The following GLI2 variants were observed in gnomAD, a reference collection of about 807,000 sequenced individuals.
GLI2 encodes the protein transcription activator GLI2.
A neutral mutation model predicts 78.9 loss-of-function variants in GLI2; 22 were observed. That is an observed-to-expected ratio of 0.28 (90% CI 0.20 to 0.40). The LOEUF is 0.40. GLI2 is among the 10% of genes least tolerant of loss of function. GLI2 has a pLI of 1.00. For synonymous variants in GLI2, 974 were observed against 963.7 expected (o/e 1.01, Z -0.20); for missense variants, 2,097 against 2,213.2 (o/e 0.95, Z 1.05).
At chr2:120,851,987 C>T (rs930751427) in intron 2 of GLI2, among the ~76,000 whole-genome samples, 15 of 152,152 alleles carry the variant, frequency 9.9e-5, no homozygotes, top group African/African-American at 3.6e-4. Flanking sequence ...GTAGGAGGGG[C>T]AGCATTGCCA....
chr2:120,738,873 CG>C (rs1682444584), intron 1 of GLI2, among the ~76,000 whole-genome samples: 1 of 152,190 alleles, frequency 6.6e-6, no homozygotes, highest in African/African-American at 2.4e-5. Flanking sequence ...ACTCTTGACT[CG>C]TGGCTTCCTT....
intron 1 of GLI2, among the ~76,000 whole-genome samples, chr2:120,756,095 A>G (rs1683026822): frequency 6.6e-6 from 1 of 152,088 alleles, no homozygotes; most frequent in South Asian, 2.1e-4. Context: ...CATCTTGGCA[A>G]TCTCTCCAAA....
At chr2:120,847,568 A>G (rs879264716) in intron 2 of GLI2, among the ~76,000 whole-genome samples, 9 of 149,048 alleles carry the variant, frequency 6.0e-5, no homozygotes, top group Non-Finnish European at 1.2e-4. Flanking sequence ...AAGCGGAGCA[A>G]TGGCTGTTTC....
In GLI2 at chr2:120,927,495, TG is replaced by T. The variant is rs1271308346; in HGVS notation, c.254+31del. On this transcript the variant is annotated intron_variant, in intron 3 of 13. Coordinates refer to ENST00000361492, the MANE Select transcript of GLI2 (RefSeq NM_001374353.1). ...AGTCCTGCCCTCTGCCTGCTGCTCC[TG>T]GCGTGCAGTCACCTGCCATGGGGAG... The T allele has an allele frequency of 3.4e-6, 5 of 1,455,562 alleles. No homozygotes were observed. The East Asian group carries it at 1.1e-4, about 33-fold the overall frequency. The allele number at this position is 1,455,562 out of a possible 1,614,324, so 90.2% of individuals were successfully genotyped here. A position where few individuals can be genotyped will look rare whatever the true frequency, so the allele number is the denominator to read the frequency against.
chr2:120,743,343 A>T (rs1327467168), intron 1 of GLI2, among the ~76,000 whole-genome samples: 3 of 152,134 alleles, frequency 2.0e-5, no homozygotes, highest in Non-Finnish European at 4.4e-5. Flanking sequence ...CCATCTTAAC[A>T]CTGTAATTCC....
At chr2:120,831,948 G>A (rs970743326) in intron 2 of GLI2, among the ~76,000 whole-genome samples, 4 of 152,320 alleles carry the variant, frequency 2.6e-5, no homozygotes, top group South Asian at 2.1e-4. Flanking sequence ...GATTACCTAC[G>A]CTGGACTGCG....
At chr2:120,766,905 G>GTC (rs1341866712) in intron 1 of GLI2, among the ~76,000 whole-genome samples, 1 of 152,174 alleles carries the variant, frequency 6.6e-6, no homozygotes, top group African/African-American at 2.4e-5. Context: ...CTGTTCCCAG[G>GTC]TCTGCAGTGT....
intron 1 of GLI2, among the ~76,000 whole-genome samples, chr2:120,773,937 C>T (rs1479212215): frequency 1.5e-5 from 2 of 131,726 alleles, no homozygotes; most frequent in Non-Finnish European, 3.3e-5. Flanking sequence ...TTCCTTCCCT[C>T]CCTCCCTCCC....
intron 2 of GLI2, among the ~76,000 whole-genome samples, chr2:120,870,354 T>G (rs910164394): frequency 3.5e-4 from 53 of 152,296 alleles, no homozygotes; most frequent in African/African-American, 1.1e-3. Flanking sequence ...GTAGATTACT[T>G]GCATCATCAG....
intron 1 of GLI2, among the ~76,000 whole-genome samples, chr2:120,746,401 C>T (rs896425351): frequency 6.6e-6 from 1 of 152,146 alleles, no homozygotes; most frequent in Non-Finnish European, 1.5e-5. Context: ...CAGAAGCTGC[C>T]CAGCCACCTG....
rs567289975 is a variant in GLI2 at position 120,934,257 on chromosome 2, A to C, written c.254+6791A>C. ...ATCCCCTGGTTCCTCGTGATAACCC[A>C]TTCACAGACAAGTCCCTCCTAAACC... On this transcript the variant is annotated intron_variant, in intron 3 of 13. Coordinates refer to ENST00000361492, the MANE Select transcript of GLI2 (RefSeq NM_001374353.1). Among the ~76,000 whole-genome samples the C allele has an allele frequency of 7.9e-5, 12 of 152,336 alleles. No homozygotes were observed. In the South Asian group the frequency reaches 2.5e-3, roughly 32 times the overall value.
At chr2:120,908,974 GCATC>G (rs1435253371) in intron 2 of GLI2, among the ~76,000 whole-genome samples, 1 of 152,152 alleles carries the variant, frequency 6.6e-6, no homozygotes, top group African/African-American at 2.4e-5. Flanking sequence ...CTGGAAAATG[GCATC>G]CCTGACCCAG....
At position 120,989,804 on chromosome 2, in the gene GLI2, A is replaced by G. The variant is rs749812469; in HGVS notation, c.3839A>G (p.Asn1280Ser). Residue 1280 changes from asparagine to serine, a missense_variant, in exon 14 of 14, where the codon AAT (asparagine) becomes AGT (serine). Physicochemically the swap from Asn to Ser is conservative, Grantham distance 46 (BLOSUM62 1). Coordinates refer to ENST00000361492, the MANE Select transcript of GLI2 (RefSeq NM_001374353.1). ...GCACCTGACCCCACCACGATGGGCA[A>G]TCGCCACAGGGAACTTGGGGTCCCC... Reference protein sequence around the residue: ...EVAPDPTTMGNRHRELGVPDS... With the variant: ...EVAPDPTTMGSRHRELGVPDS... The G allele has an allele frequency of 1.6e-5, 25 of 1,610,758 alleles. No homozygotes were observed. The highest frequency in any genetic ancestry group is 3.3e-5 in the Admixed American group (2 of 59,894).
chr2:120,832,141 C>T (rs559549936), intron 2 of GLI2, among the ~76,000 whole-genome samples: 1 of 152,200 alleles, frequency 6.6e-6, no homozygotes, highest in Admixed American at 6.5e-5. Flanking sequence ...TCTGGTCCCA[C>T]AAGGAGTCAG....
At position 120,855,760 on chromosome 2, in the gene GLI2, G is replaced by A. The variant is rs551831812; in HGVS notation, c.148+58292G>A. Reference sequence around the variant, plus strand: ...TCCTCACTGGACAGTGGGGGAAATGGAGACCACAGAGGTGATGTGATGGGC... The same window carrying A: ...TCCTCACTGGACAGTGGGGGAAATGAAGACCACAGAGGTGATGTGATGGGC... On this transcript the variant is annotated intron_variant, in intron 2 of 13. Transcript: ENST00000361492. Among the ~76,000 whole-genome samples, 25 of 152,316 alleles carry A rather than the reference G, an allele frequency of 1.6e-4. No homozygotes were observed. The South Asian group carries it at 5.2e-3, about 32-fold the overall frequency.
At chr2:120,920,842 G>GGT (rs1205603730) in intron 2 of GLI2, among the ~76,000 whole-genome samples, 1 of 151,328 alleles carries the variant, frequency 6.6e-6, no homozygotes, top group African/African-American at 2.4e-5. Context: ...TCAGGGGGAT[G>GGT]GTGTGTCTGT....
At chr2:120,966,404 A>G (rs1681859500) in intron 5 of GLI2, among the ~76,000 whole-genome samples, 2 of 152,176 alleles carry the variant, frequency 1.3e-5, no homozygotes, top group Admixed American at 1.3e-4. Context: ...ACTGCAGGCC[A>G]CTGTTCCAGT....
intron 1 of GLI2, among the ~76,000 whole-genome samples, chr2:120,758,074 A>G (rs1241357222): frequency 6.6e-6 from 1 of 152,016 alleles, no homozygotes; most frequent in Non-Finnish European, 1.5e-5. Context: ...TGTGTTTAAG[A>G]CCTGACGGGA....
In GLI2 at chr2:120,978,529, C is replaced by T. The variant is rs1573718788; in HGVS notation, c.1413C>T (p.Tyr471=). The change falls in exon 10 of 14, where the codon TAC becomes TAT. Residue 471 remains tyrosine (Y), a synonymous_variant. Transcript: ENST00000361492. ...AGCAGAAGCCCTTCAAGGCGCAGTA[C>T]ATGCTGGTGGTGCACATGCGGCGAC... is the stretch of plus-strand genomic sequence containing the variant. ...TREQKPFKAQ[Y]MLVVHMRRHT... is the part of the protein sequence containing the mutation. The T allele has an allele frequency of 6.2e-7, 1 of 1,614,032 alleles. No individual in the cohort carries two copies. Among genetic ancestry groups the T allele is most frequent in the African/African-American group, 1.3e-5 (1 of 74,958 alleles).
Sources: gnomAD v4.1 joint callset for allele counts (sites outside exome capture counted in the v4.1 genomes callset) on GRCh38, gnomAD v4.1.1 for gene constraint, MANE v1.5 for transcripts, NCBI Gene and HGNC (gene_info 2026-07-23, HGNC 2026-07-21) for gene names.